The following SH3RF3 variants were observed in gnomAD, a reference collection of about 807,000 sequenced individuals.
The protein encoded by SH3RF3 is SH3 domain containing ring finger 3, also known as E3 ubiquitin-protein ligase SH3RF3.
In SH3RF3, 29 loss-of-function variants were observed where a neutral mutation model predicts 66.3. The observed-to-expected ratio is 0.44, with a 90% CI of 0.33 to 0.60. SH3RF3 has a LOEUF of 0.60. Among genes scored for constraint, SH3RF3 ranks in the 20% least tolerant of loss-of-function variants. The pLI, the probability that SH3RF3 is intolerant of heterozygous loss-of-function variation, is 0.04. For missense variants in SH3RF3, 1,194 were observed against 1,190.9 expected (o/e 1.00, Z -0.04); for synonymous variants, 583 against 532.0 (o/e 1.10, Z -1.32).
At chr2:109,178,309 G>A (rs1471431296) in intron 1 of SH3RF3, among the ~76,000 whole-genome samples, 10 of 151,868 alleles carry the variant, frequency 6.6e-5, no homozygotes, top group Admixed American at 5.9e-4. Flanking sequence ...TTTTATGAAT[G>A]TTCTCTATTG....
At chr2:109,268,864 A>G (rs981885867) in intron 1 of SH3RF3, among the ~76,000 whole-genome samples, 3 of 152,190 alleles carry the variant, frequency 2.0e-5, no homozygotes, top group Non-Finnish European at 4.4e-5. Context: ...GTATTCAATG[A>G]ATTTCAGACC....
In SH3RF3 at chr2:109,490,843, G is replaced by C. The variant is rs1679111167; in HGVS notation, c.2387G>C (p.Gly796Ala). ...ATGGAGCCTCTGCACAGGAAGGCAGGCTCCTTGGATCTAAACTTCACATCT... is the reference window on the plus strand; with the variant it reads ...ATGGAGCCTCTGCACAGGAAGGCAGCCTCCTTGGATCTAAACTTCACATCT... ...MGMEPLHRKAGSLDLNFTSPS... is the reference protein window; with the variant it reads ...MGMEPLHRKAASLDLNFTSPS... Residue 796 changes from glycine (G) to alanine (A), a missense_variant, in exon 9 of 10, where the codon GGC becomes GCC. By Grantham distance (60) the Gly-to-Ala change is moderately conservative. Transcript: ENST00000309415. 3 of 1,536,528 alleles carry C rather than the reference G, an allele frequency of 2.0e-6. No individual in the cohort carries two copies. The highest frequency in any genetic ancestry group is 3.9e-5 in the Admixed American group (2 of 50,956).
At chr2:109,157,696 C>T (rs1293359637) in intron 1 of SH3RF3, among the ~76,000 whole-genome samples, 1 of 152,174 alleles carries the variant, frequency 6.6e-6, no homozygotes, top group Non-Finnish European at 1.5e-5. Context: ...CCTGTTTTAT[C>T]ACCTACAATT....
At chr2:109,404,505 C>T (rs1224319776) in intron 4 of SH3RF3, among the ~76,000 whole-genome samples, 1 of 152,096 alleles carries the variant, frequency 6.6e-6, no homozygotes, top group African/African-American at 2.4e-5. Context: ...GGGGCCTAGA[C>T]GGAAGTTTTG....
At chr2:109,425,140 C>T (rs1396020017) in intron 5 of SH3RF3, among the ~76,000 whole-genome samples, 1 of 152,140 alleles carries the variant, frequency 6.6e-6, no homozygotes, top group East Asian at 1.9e-4. Flanking sequence ...TAAGCCAAAG[C>T]CTAATCCAAA....
At chr2:109,313,267 C>T (rs1681777661) in intron 1 of SH3RF3, among the ~76,000 whole-genome samples, 1 of 152,296 alleles carries the variant, frequency 6.6e-6, no homozygotes, top group African/African-American at 2.4e-5. Context: ...TTCACAAGGC[C>T]CAGGCCTTAC....
intron 1 of SH3RF3, among the ~76,000 whole-genome samples, chr2:109,263,095 C>G (rs1203961115): frequency 2.6e-5 from 4 of 152,184 alleles, no homozygotes; most frequent in African/African-American, 9.7e-5. Flanking sequence ...ATTCACCCAC[C>G]TCGGCCTCCC....
chr2:109,504,134 G>C lies in SH3RF3; in HGVS notation c.*2463G>C, dbSNP rs765744112. 1.3e-5 allele frequency: 2 copies of C among 152,242 alleles called. No individual in the cohort carries two copies. Among genetic ancestry groups the C allele is most frequent in the Admixed American group, 1.3e-4 (2 of 15,286 alleles). 9.4% of individuals were successfully genotyped at this position (152,242 alleles called of 1,614,324 possible). On this transcript the variant is annotated 3_prime_UTR_variant, in exon 10 of 10. Transcript: ENST00000309415. ...TGATGTAGCTCGCAGAGAAGAGCAG[G>C]AGCAGAATTAGCCCTTTCTTCAGGC...
At chr2:109,277,971 T>C (rs1481737523) in intron 1 of SH3RF3, among the ~76,000 whole-genome samples, 6 of 138,356 alleles carry the variant, frequency 4.3e-5, no homozygotes, top group Non-Finnish European at 7.5e-5. Context: ...GGCCAGGAGT[T>C]AGAGATCAGC....
chr2:109,344,140 A>G (rs1682625970), intron 1 of SH3RF3, among the ~76,000 whole-genome samples: 2 of 152,140 alleles, frequency 1.3e-5, no homozygotes, highest in Non-Finnish European at 2.9e-5. Context: ...TATAGAGGGG[A>G]CCTGCTACGC....
At chr2:109,239,734 G>A (rs1679735996) in intron 1 of SH3RF3, among the ~76,000 whole-genome samples, 1 of 152,172 alleles carries the variant, frequency 6.6e-6, no homozygotes, top group Non-Finnish European at 1.5e-5. Flanking sequence ...CAGCTTAAAT[G>A]GAGCCACCTG....
intron 1 of SH3RF3, among the ~76,000 whole-genome samples, chr2:109,330,127 C>G (rs564585205): frequency 4.9e-4 from 75 of 152,284 alleles, no homozygotes; most frequent in African/African-American, 1.7e-3. Flanking sequence ...TTCCTTTGCT[C>G]CCACTCTGGG....
At chr2:109,469,148 T>G (rs1370160360) in intron 8 of SH3RF3, among the ~76,000 whole-genome samples, 1 of 152,150 alleles carries the variant, frequency 6.6e-6, no homozygotes, top group Non-Finnish European at 1.5e-5. Flanking sequence ...ACCCCAAGAA[T>G]GCGGGCCCCC....
At chr2:109,438,130 A>G (rs1330258042) in intron 7 of SH3RF3, among the ~76,000 whole-genome samples, 2 of 152,246 alleles carry the variant, frequency 1.3e-5, no homozygotes, top group South Asian at 2.1e-4. Flanking sequence ...CAGCTTCTCA[A>G]GTGTGGAAAG....
chr2:109,199,612 T>TCAATC (rs1574499835), intron 1 of SH3RF3, among the ~76,000 whole-genome samples: 1 of 336 alleles, frequency 3.0e-3, no homozygotes, highest in African/African-American at 8.8e-3. Context: ...TGGAATGGAA[T>TCAATC]GGAATGGAAT....
chr2:109,275,096 A>AT (rs1171689654), intron 1 of SH3RF3, among the ~76,000 whole-genome samples: 1 of 152,202 alleles, frequency 6.6e-6, no homozygotes, highest in Non-Finnish European at 1.5e-5. Flanking sequence ...TTAAAAAAAA[A>AT]GAAAATGTGT....
At chr2:109,496,779 A>G (rs1679272719) in intron 9 of SH3RF3, among the ~76,000 whole-genome samples, 1 of 107,948 alleles carries the variant, frequency 9.3e-6, no homozygotes, top group Non-Finnish European at 1.9e-5. Flanking sequence ...ATACATGGCA[A>G]AGAGAAATCA....
intron 8 of SH3RF3, among the ~76,000 whole-genome samples, chr2:109,480,371 G>A (rs1434475199): frequency 6.6e-6 from 1 of 152,184 alleles, no homozygotes; most frequent in Non-Finnish European, 1.5e-5. Flanking sequence ...GAAGACATAA[G>A]GCATTTGTTC....
intron 1 of SH3RF3, among the ~76,000 whole-genome samples, chr2:109,203,842 G>A (rs1294528770): frequency 6.6e-6 from 1 of 152,142 alleles, no homozygotes; most frequent in Non-Finnish European, 1.5e-5. Context: ...TCTTGTGTGG[G>A]TGCCTCGCTA....
Sources: gnomAD v4.1 joint callset for allele counts (sites outside exome capture counted in the v4.1 genomes callset) on GRCh38, gnomAD v4.1.1 for gene constraint, MANE v1.5 for transcripts, NCBI Gene and HGNC (gene_info 2026-07-23, HGNC 2026-07-21) for gene names.